COL22A1: variants seen among roughly 807,000 people sequenced by gnomAD.
COL22A1 encodes the protein collagen type XXII alpha 1 chain, also known as collagen alpha-1(XXII) chain.
A neutral mutation model predicts 248.9 loss-of-function variants in COL22A1; 221 were observed. That is an observed-to-expected ratio of 0.89 (90% CI 0.80 to 0.99). COL22A1 has a LOEUF of 0.99. COL22A1 is among the 50% of genes least tolerant of loss of function. The pLI, the probability that COL22A1 is intolerant of heterozygous loss-of-function variation, is 0.00. For synonymous variants in COL22A1, 891 were observed against 793.4 expected, an observed-to-expected ratio of 1.12 and a Z score of -2.07; for missense variants, 2,240 against 2,179.0, an observed-to-expected ratio of 1.03 and a Z score of -0.56.
At chr8:138,650,419 G>C (rs965223828) in intron 45 of COL22A1, among the ~76,000 whole-genome samples, 2 of 152,138 alleles carry the variant, frequency 1.3e-5, no homozygotes, top group African/African-American at 2.4e-5. Context: ...ATTGCTCCTC[G>C]AGTAAATTTA....
At chr8:138,602,428 T>A (rs1818100299) in intron 59 of COL22A1, among the ~76,000 whole-genome samples, 1 of 152,198 alleles carries the variant, frequency 6.6e-6, no homozygotes. Context: ...CTACCTCTTG[T>A]GGGATAAACC....
At chr8:138,693,481 A>T (rs562635396) in intron 35 of COL22A1, among the ~76,000 whole-genome samples, 165 bp downstream of exon 35, 1 of 152,326 alleles carries the variant, frequency 6.6e-6, no homozygotes, top group East Asian at 1.9e-4. Flanking sequence ...TGGAGGCCAG[A>T]ACCTCTCTCC....
At chr8:138,710,729 C>T (rs539970971) in intron 30 of COL22A1, among the ~76,000 whole-genome samples, 2 of 152,200 alleles carry the variant, frequency 1.3e-5, no homozygotes, top group African/African-American at 4.8e-5. Context: ...AATGCATGCC[C>T]TTTACAATTG....
At position 138,668,157 on chromosome 8, in the gene COL22A1, A is replaced by G. The variant is rs192382127; in HGVS notation, c.3151-4417T>C. ...GGTGTTATGGATTTTTAAGGGGTAT[A>G]TTATAAGATTGTGGTTCTGTTTTTT... On this transcript the variant is annotated intron_variant, in intron 41 of 64. Coordinates refer to ENST00000303045, the MANE Select transcript of COL22A1 (RefSeq NM_152888.3). Among the ~76,000 whole-genome samples the G allele has an allele frequency of 6.6e-5, 10 of 152,256 alleles. No homozygotes were observed. In the East Asian group the frequency reaches 1.7e-3, roughly 26 times the overall value.
intron 60 of COL22A1, 130 bp from the exon 61 acceptor site, chr8:138,599,028 T>C: frequency 2.2e-6 from 2 of 897,118 alleles, no homozygotes; most frequent in Non-Finnish European, 3.5e-6. Flanking sequence ...GGGTGGCCCA[T>C]GTGTGGCTTG....
intron 22 of COL22A1, among the ~76,000 whole-genome samples, chr8:138,740,995 G>A (rs1831513292): frequency 6.6e-6 from 1 of 152,178 alleles, no homozygotes; most frequent in African/African-American, 2.4e-5. Flanking sequence ...CATCTGAGCT[G>A]TTTGATTTGG....
chr8:138,715,525 T>C (rs998478786), intron 30 of COL22A1, among the ~76,000 whole-genome samples, 157 bp downstream of exon 30: 4 of 138,582 alleles, frequency 2.9e-5, no homozygotes, highest in African/African-American at 1.1e-4. Flanking sequence ...GACGAGATCA[T>C]GCCACTGCAC....
chr8:138,813,154 T>G (rs565031633), intron 7 of COL22A1, 135 bp from the exon 8 acceptor site: 21 of 666,220 alleles, frequency 3.2e-5, no homozygotes, highest in Non-Finnish European at 5.5e-5. Flanking sequence ...CACCCCAGGA[T>G]ACCCCTATCC....
At chr8:138,590,017 G>A (rs560656756) in intron 64 of COL22A1, among the ~76,000 whole-genome samples, 237 of 152,098 alleles carry the variant, frequency 1.6e-3, no homozygotes, top group Non-Finnish European at 2.7e-3. Flanking sequence ...TAGGATGCAA[G>A]TAAGTGACAC....
chr8:138,807,819 G>C lies in COL22A1; in HGVS notation c.1450-7C>G, dbSNP rs1363629410. ...CAGCAACTCCCATTTCACCCTAAAA[G>C]AAGAAAGACAACAAAAAAGTAAGTT... On this transcript the variant is annotated splice_region_variant and splice_polypyrimidine_tract_variant and intron_variant, in intron 9 of 64. Coordinates refer to ENST00000303045, the MANE Select transcript of COL22A1 (RefSeq NM_152888.3). 1 of 1,613,566 alleles carries C rather than the reference G, an allele frequency of 6.2e-7. No homozygotes were observed. The highest frequency in any genetic ancestry group is 2.2e-5 in the East Asian group (1 of 44,860).
rs1278386019 is a variant in COL22A1 at position 138,802,947 on chromosome 8, G to A, written c.1495-13C>T. 3.1e-6 allele frequency: 5 copies of A among 1,609,636 alleles called. No individual in the cohort carries two copies. The South Asian group carries it at 3.3e-5, about 11-fold the overall frequency. ...CTCCTATGTCTCCCTGAGGGGTTGA[G>A]ACCAGAGACAAGCATCAGATTAGGT... On this transcript the variant is annotated splice_polypyrimidine_tract_variant and intron_variant, in intron 10 of 64. Transcript: ENST00000303045.
chr8:138,611,913 T>C (rs1818893760), intron 56 of COL22A1, among the ~76,000 whole-genome samples: 1 of 152,254 alleles, frequency 6.6e-6, no homozygotes, highest in Non-Finnish European at 1.5e-5. Context: ...AGTCTTGGTC[T>C]TAAACCAACC....
At chr8:138,699,945 C>T (rs1487932566) in intron 32 of COL22A1, among the ~76,000 whole-genome samples, 167 bp downstream of exon 32, 8 of 152,240 alleles carry the variant, frequency 5.3e-5, no homozygotes, top group Admixed American at 5.2e-4. Context: ...CTGCAAGGCC[C>T]TTTCTCCACC....
chr8:138,778,522 C>T (rs1814682875), intron 14 of COL22A1, 116 bp from the exon 15 acceptor site: 4 of 850,118 alleles, frequency 4.7e-6, no homozygotes, highest in Non-Finnish European at 7.2e-6. Context: ...CACCTCTCAC[C>T]AAGTGCTGCC....
Position 138,613,931 on chromosome 8 carries a change from G to C in COL22A1, c.3925-11C>G. ...GGGTCCAGTGTCACCCTGGAACAAA[G>C]ACAGAGAGATGGTGTCATCATCAAG... On this transcript the variant is annotated splice_polypyrimidine_tract_variant and intron_variant, in intron 55 of 64. Coordinates refer to ENST00000303045, the MANE Select transcript of COL22A1 (RefSeq NM_152888.3). 6.3e-7 allele frequency: 1 copy of C among 1,595,052 alleles called. No individual in the cohort carries two copies. The highest frequency in any genetic ancestry group is 8.6e-7 in the Non-Finnish European group (1 of 1,163,346).
At chr8:138,839,305 C>T (rs62528785) in intron 4 of COL22A1, among the ~76,000 whole-genome samples, 3,464 of 152,108 alleles carry the variant, frequency 0.023, 59 homozygotes, top group Middle Eastern at 0.034. Context: ...GGACCCACGG[C>T]GAGGGTACAC....
At chr8:138,602,243 G>T in intron 59 of COL22A1, 84 bp from the exon 60 acceptor site, 3 of 1,481,606 alleles carry the variant, frequency 2.0e-6, no homozygotes, top group Non-Finnish European at 1.9e-6. Context: ...TCACAGTCCT[G>T]CATGCTGAGG....
intron 48 of COL22A1, among the ~76,000 whole-genome samples, chr8:138,636,480 A>AGAAAGGAAAGGAAAG (rs758849864): frequency 0.034 from 1,581 of 46,556 alleles, 150 homozygotes; most frequent in African/African-American, 0.086. Context: ...AAGAGAAGGA[A>AGAAAGGAAAGGAAAG]GAAAGGAAAG....
chr8:138,693,178 G>A (rs1411414522), intron 35 of COL22A1, among the ~76,000 whole-genome samples: 7 of 152,214 alleles, frequency 4.6e-5, no homozygotes, highest in Non-Finnish European at 1.0e-4. Context: ...AAGGATGGGT[G>A]AGCCAGGAGC....
Sources: allele counts gnomAD v4.1 joint callset (sites outside exome capture counted in the v4.1 genomes callset), GRCh38; gene constraint gnomAD v4.1.1; transcripts MANE v1.5; gene names NCBI Gene and HGNC (gene_info 2026-07-23, HGNC 2026-07-21).